The following IL19 variants were observed in gnomAD, a reference collection of about 807,000 sequenced individuals.
IL19 encodes the protein interleukin-19.
Under a neutral mutation model 19.5 loss-of-function variants are expected in IL19, and 15 were observed. The observed-to-expected ratio is 0.77, with a 90% CI of 0.52 to 1.19. The LOEUF is 1.19. Ranked by LOEUF, IL19 falls within the 50% of genes most tolerant of loss-of-function variation. The probability of loss-of-function intolerance (pLI) is 0.00; values close to 1 mark genes in which losing one functional copy is unlikely to be tolerated. For synonymous variants in IL19, 78 were observed against 78.3 expected (o/e 1.00, Z 0.02); for missense variants, 199 against 213.1 (o/e 0.93, Z 0.41).
intron 1 of IL19, among the ~76,000 whole-genome samples, chr1:206,792,966 G>T (rs1675442627): frequency 6.6e-6 from 1 of 152,246 alleles, no homozygotes. Flanking sequence ...GTACTTCGTG[G>T]TGCCTGGCAC....
chr1:206,839,804 T>C, intron 4 of IL19, 46 bp from the exon 5 acceptor site: 1 of 1,544,888 alleles, frequency 6.5e-7, no homozygotes, highest in Non-Finnish European at 8.8e-7. Flanking sequence ...GTCTCCAACA[T>C]AATGAGAGAA....
chr1:206,831,450 G>T (rs1179730437), intron 2 of IL19, among the ~76,000 whole-genome samples: 1 of 152,170 alleles, frequency 6.6e-6, no homozygotes, highest in Non-Finnish European at 1.5e-5. Flanking sequence ...TGGGAAAGAT[G>T]CCATTCTATC....
At chr1:206,829,477 G>A (rs1304230447) in intron 2 of IL19, among the ~76,000 whole-genome samples, 1 of 152,126 alleles carries the variant, frequency 6.6e-6, no homozygotes, top group Non-Finnish European at 1.5e-5. Flanking sequence ...GGTAGGTGAG[G>A]CAGCGGGGCT....
At chr1:206,816,396 G>A (rs992512371) in intron 2 of IL19, among the ~76,000 whole-genome samples, 4 of 152,082 alleles carry the variant, frequency 2.6e-5, no homozygotes, top group Admixed American at 6.5e-5. Context: ...GTGAAGAAAC[G>A]GAAGTACACT....
intron 2 of IL19, among the ~76,000 whole-genome samples, chr1:206,818,177 A>T (rs1676210658): frequency 6.6e-6 from 1 of 152,246 alleles, no homozygotes; most frequent in South Asian, 2.1e-4. Flanking sequence ...TGGCCTAATT[A>T]ACATATATAG....
In IL19 at chr1:206,842,564, A is replaced by G; in HGVS notation, c.476A>G (p.Glu159Gly). 1 of 1,576,706 alleles carries G rather than the reference A, an allele frequency of 6.3e-7. No individual in the cohort carries two copies. The highest frequency in any genetic ancestry group is 1.2e-5 in the South Asian group (1 of 85,864). ...VHAAAIKSLG[E>G]LDVFLAWINK... ...GCTGCTGCCATTAAATCCCTGGGAGAGCTCGACGTCTTTCTAGCCTGGATT... is the reference window on the plus strand; with the variant it reads ...GCTGCTGCCATTAAATCCCTGGGAGGGCTCGACGTCTTTCTAGCCTGGATT... The change falls in exon 7 of 7, where the codon GAG becomes GGG. Residue 159 changes from glutamate to glycine, a missense_variant. Physicochemically the swap from Glu to Gly is moderately conservative, Grantham distance 98. Transcript: ENST00000659997.
At chr1:206,828,132 A>ACTC (rs60478742) in intron 2 of IL19, among the ~76,000 whole-genome samples, 1 of 150,370 alleles carries the variant, frequency 6.7e-6, no homozygotes, top group Non-Finnish European at 1.5e-5. Context: ...GACTGGAGTG[A>ACTC]CACATTTCTA....
intron 2 of IL19, chr1:206,828,858 G>T (rs1572570563): frequency 6.6e-6 from 1 of 152,058 alleles, no homozygotes; most frequent in Admixed American, 6.6e-5. Context: ...CGCAGACAGG[G>T]TCTCACTCTG....
At chr1:206,815,288 T>A (rs886415475) in intron 2 of IL19, among the ~76,000 whole-genome samples, 1 of 152,194 alleles carries the variant, frequency 6.6e-6, no homozygotes, top group African/African-American at 2.4e-5. Context: ...TGCTGCATTC[T>A]ATCAGTTAAG....
At chr1:206,812,419 T>C (rs1409232514) in intron 2 of IL19, among the ~76,000 whole-genome samples, 1 of 152,172 alleles carries the variant, frequency 6.6e-6, no homozygotes, top group Non-Finnish European at 1.5e-5. Context: ...CATTTGGGGA[T>C]CCTCATGATG....
At chr1:206,804,508 T>G (rs2102463252) in intron 2 of IL19, among the ~76,000 whole-genome samples, 1 of 152,300 alleles carries the variant, frequency 6.6e-6, no homozygotes, top group Non-Finnish European at 1.5e-5. Flanking sequence ...TGGAAGGAAT[T>G]AGGGTGTATA....
rs147702628 is a variant in IL19 at position 206,810,758 on chromosome 1, A to G, written c.-3+11752A>G. On this transcript the variant is annotated intron_variant, in intron 2 of 6. Transcript: ENST00000659997. ...ATCTCATGCTGAAATGTGATCCCCA[A>G]TGCTGGAGTTGGAGGTGGGGCCTAC... 4.6e-3 allele frequency among the ~76,000 whole-genome samples: 693 copies of G among 152,260 alleles called. 10 individuals carry two copies. Among genetic ancestry groups the G allele is most frequent in the African/African-American group, 0.016 (646 of 41,550 alleles).
chr1:206,802,851 T>C (rs1288202180), intron 2 of IL19, among the ~76,000 whole-genome samples: 4 of 152,064 alleles, frequency 2.6e-5, no homozygotes, highest in Non-Finnish European at 5.9e-5. Context: ...GAAAGACCAA[T>C]CTTCTGGCAG....
chr1:206,789,727 C>T (rs1189783686), intron 1 of IL19, among the ~76,000 whole-genome samples: 2 of 152,164 alleles, frequency 1.3e-5, no homozygotes, highest in East Asian at 1.9e-4. Context: ...TGATCCTTTC[C>T]CTCCTCCCAC....
At chr1:206,781,034 A>C (rs950405068) in intron 1 of IL19, among the ~76,000 whole-genome samples, 3 of 152,152 alleles carry the variant, frequency 2.0e-5, no homozygotes, top group Admixed American at 1.3e-4. Context: ...TTTCAGACAG[A>C]ATGGTGTTTC....
intron 2 of IL19, among the ~76,000 whole-genome samples, chr1:206,830,930 G>A (rs1166638235): frequency 2.6e-5 from 4 of 152,106 alleles, no homozygotes; most frequent in Non-Finnish European, 4.4e-5. Context: ...GTGTTTTATA[G>A]TCCTCATAAT....
At chr1:206,790,214 T>C (rs1013014557) in intron 1 of IL19, among the ~76,000 whole-genome samples, 1 of 152,222 alleles carries the variant, frequency 6.6e-6, no homozygotes, top group Admixed American at 6.5e-5. Context: ...TTCTTGACTT[T>C]TTAATAATGG....
At chr1:206,826,618 G>C (rs908703) in intron 2 of IL19, among the ~76,000 whole-genome samples, 107,291 of 152,140 alleles carry the variant, frequency 0.71, 38,643 homozygotes, top group Non-Finnish European at 0.79. Flanking sequence ...CTGGGGTGAA[G>C]CCCTCCCCAG....
chr1:206,817,532 C>T (rs187794402), intron 2 of IL19, among the ~76,000 whole-genome samples: 106 of 152,254 alleles, frequency 7.0e-4, no homozygotes, highest in African/African-American at 2.5e-3. Context: ...ATATGTCTAC[C>T]TATTTATCTA....
Sources: allele counts gnomAD v4.1 joint callset (sites outside exome capture counted in the v4.1 genomes callset), GRCh38; gene constraint gnomAD v4.1.1; transcripts MANE v1.5; gene names NCBI Gene and HGNC (gene_info 2026-07-23, HGNC 2026-07-21).